Variants in BMP6 observed in about 807,000 individuals in gnomAD.
BMP6 encodes bone morphogenetic protein 6, also known as VG-1-R.
Under a neutral mutation model 54.1 loss-of-function variants are expected in BMP6, and 17 were observed. The observed-to-expected ratio is 0.31, with a 90% CI of 0.22 to 0.47. BMP6 has a LOEUF of 0.47. Among genes scored for constraint, BMP6 ranks in the 20% least tolerant of loss-of-function variants. The pLI is 1.00. For missense variants in BMP6, 720 were observed against 690.4 expected, an observed-to-expected ratio of 1.04 and a Z score of -0.48; for synonymous variants, 328 against 291.2, an observed-to-expected ratio of 1.13 and a Z score of -1.28.
intron 1 of BMP6, among the ~76,000 whole-genome samples, chr6:7,741,777 C>T (rs1757263640): frequency 6.6e-6 from 1 of 152,250 alleles, no homozygotes; most frequent in Non-Finnish European, 1.5e-5. Flanking sequence ...AGCTGAGCTG[C>T]ATGAGGCTTC....
chr6:7,738,959 T>C (rs1057131742), intron 1 of BMP6, among the ~76,000 whole-genome samples: 1 of 152,190 alleles, frequency 6.6e-6, no homozygotes, highest in African/African-American at 2.4e-5. Flanking sequence ...TGTACATCCT[T>C]AAGAATGGAA....
At chr6:7,735,280 G>T (rs1234128178) in intron 1 of BMP6, among the ~76,000 whole-genome samples, 1 of 152,200 alleles carries the variant, frequency 6.6e-6, no homozygotes, top group Non-Finnish European at 1.5e-5. Context: ...GTGAACATGG[G>T]CTGGAAAAAA....
At chr6:7,857,234 G>C (rs1450047140) in intron 2 of BMP6, among the ~76,000 whole-genome samples, 1 of 152,104 alleles carries the variant, frequency 6.6e-6, no homozygotes, top group Non-Finnish European at 1.5e-5. Context: ...CTAAAGCCAG[G>C]GTGAATTTTT....
chr6:7,862,584 G>A lies in BMP6; in HGVS notation c.1204+86G>A, dbSNP rs529053541. ...TTGTGTCCACAGTCTCAGATGTCGGGCAGCTTCTGCACAGCAAATCCAAAG... is the reference window on the plus strand; with the variant it reads ...TTGTGTCCACAGTCTCAGATGTCGGACAGCTTCTGCACAGCAAATCCAAAG... On this transcript the variant is annotated intron_variant, in intron 4 of 6. Transcript: ENST00000283147. 2.1e-5 allele frequency: 32 copies of A among 1,524,678 alleles called. 1 individual carries two copies. The South Asian group carries it at 3.5e-4, about 17-fold the overall frequency. 94.4% of individuals were successfully genotyped at this position (1,524,678 alleles called of 1,614,324 possible). A position where few individuals can be genotyped will look rare whatever the true frequency, so the allele number is the denominator to read the frequency against.
chr6:7,727,554 T>C lies in BMP6; in HGVS notation c.599T>C (p.Leu200Pro). Residue 200 changes from leucine to proline, a missense_variant, in exon 1 of 7, where the codon CTG (leucine) becomes CCG (proline). Physicochemically the swap from Leu to Pro is moderately conservative, Grantham distance 98. Transcript: ENST00000283147. ...TCTGGCAGCGGCGGCGCGTCCCCAC[T>C]GACCAGCGCGCAGGACAGCGCCTTC... is the stretch of plus-strand genomic sequence containing the variant. ...PGSGSGGASP[L>P]TSAQDSAFLN... 3.1e-6 allele frequency: 5 copies of C among 1,593,918 alleles called. No homozygotes were observed. Among genetic ancestry groups the C allele is most frequent in the Non-Finnish European group, 4.2e-6 (5 of 1,177,496 alleles).
intron 1 of BMP6, among the ~76,000 whole-genome samples, chr6:7,807,222 G>T (rs1437131448): frequency 6.6e-6 from 1 of 152,180 alleles, no homozygotes; most frequent in Non-Finnish European, 1.5e-5. Flanking sequence ...AAGGGCAGCA[G>T]TTCTCAAAGT....
At chr6:7,727,665 C>G (rs774402302) in intron 1 of BMP6, 46 bp downstream of exon 1, 1 of 1,466,504 alleles carries the variant, frequency 6.8e-7, no homozygotes, top group Non-Finnish European at 9.0e-7. Flanking sequence ...TCCCCCTTTT[C>G]AGTGTCCCGG....
chr6:7,799,079 A>G (rs1374303039), intron 1 of BMP6, among the ~76,000 whole-genome samples: 1 of 152,228 alleles, frequency 6.6e-6, no homozygotes, highest in Non-Finnish European at 1.5e-5. Context: ...CGAAATTTCC[A>G]ACATAGAACA....
At chr6:7,866,056 G>T (rs994597230) in intron 4 of BMP6, among the ~76,000 whole-genome samples, 2 of 152,338 alleles carry the variant, frequency 1.3e-5, no homozygotes, top group South Asian at 4.1e-4. Context: ...ATTTGTACTT[G>T]GCTTTCAAGC....
At chr6:7,815,223 A>G (rs1758507564) in intron 1 of BMP6, among the ~76,000 whole-genome samples, 1 of 152,208 alleles carries the variant, frequency 6.6e-6, no homozygotes, top group Admixed American at 6.5e-5. Context: ...TGAGGACTCC[A>G]GACCTCTACC....
At chr6:7,729,108 A>G (rs1218418020) in intron 1 of BMP6, among the ~76,000 whole-genome samples, 1 of 152,196 alleles carries the variant, frequency 6.6e-6, no homozygotes, top group Non-Finnish European at 1.5e-5. Context: ...TGATTGGACA[A>G]GAATTTTCAC....
At chr6:7,732,298 G>A (rs1444966123) in intron 1 of BMP6, among the ~76,000 whole-genome samples, 1 of 152,194 alleles carries the variant, frequency 6.6e-6, no homozygotes, top group Non-Finnish European at 1.5e-5. Flanking sequence ...AGATTACAAA[G>A]AGTAAATTTG....
intron 1 of BMP6, among the ~76,000 whole-genome samples, chr6:7,765,018 A>G (rs983071940): frequency 1.3e-5 from 2 of 152,204 alleles, no homozygotes; most frequent in Non-Finnish European, 2.9e-5. Context: ...TTTTTTCTCG[A>G]TAGTGGGAGA....
At chr6:7,753,313 G>C (rs1561760217) in intron 1 of BMP6, among the ~76,000 whole-genome samples, 1 of 152,278 alleles carries the variant, frequency 6.6e-6, no homozygotes, top group East Asian at 1.9e-4. Flanking sequence ...AAACAGATTT[G>C]GTGGGAATTG....
intron 1 of BMP6, among the ~76,000 whole-genome samples, chr6:7,739,666 T>G (rs1762013039): frequency 4.6e-5 from 2 of 43,602 alleles, no homozygotes; most frequent in Non-Finnish European, 1.7e-4. Context: ...AGAACAGTTT[T>G]GTGAAATAAC....
At chr6:7,758,792 C>T (rs906332321) in intron 1 of BMP6, among the ~76,000 whole-genome samples, 6 of 152,332 alleles carry the variant, frequency 3.9e-5, no homozygotes, top group Middle Eastern at 3.4e-3. Context: ...TTCACCCTCT[C>T]TCCACCCCCT....
chr6:7,789,672 C>G (rs1488193482), intron 1 of BMP6, among the ~76,000 whole-genome samples: 3 of 152,116 alleles, frequency 2.0e-5, no homozygotes, highest in Non-Finnish European at 2.9e-5. Flanking sequence ...TCCAAAGTGT[C>G]TTGACGGCTT....
intron 1 of BMP6, among the ~76,000 whole-genome samples, chr6:7,773,376 G>T (rs953476749): frequency 6.6e-6 from 1 of 152,228 alleles, no homozygotes; most frequent in Non-Finnish European, 1.5e-5. Context: ...CTGTTGTTAA[G>T]TGTTCATTCG....
chr6:7,795,640 G>C (rs528201893), intron 1 of BMP6, among the ~76,000 whole-genome samples: 1 of 152,310 alleles, frequency 6.6e-6, no homozygotes, highest in East Asian at 1.9e-4. Flanking sequence ...GCAACGAAGA[G>C]AGTGCATGGG....
Sources: gnomAD v4.1 joint callset for allele counts (sites outside exome capture counted in the v4.1 genomes callset) on GRCh38, gnomAD v4.1.1 for gene constraint, MANE v1.5 for transcripts, NCBI Gene and HGNC (gene_info 2026-07-23, HGNC 2026-07-21) for gene names.